NCAM1: variants seen among roughly 807,000 people sequenced by gnomAD.
NCAM1 encodes neural cell adhesion molecule 1.
A neutral mutation model predicts 109.8 loss-of-function variants in NCAM1; 14 were observed. The observed-to-expected ratio is 0.13, with a 90% CI of 0.08 to 0.20. The LOEUF (loss-of-function observed/expected upper bound fraction) is 0.20, where lower values mean the gene tolerates loss of function less well. Ranked by LOEUF, NCAM1 falls within the 10% of genes least tolerant of loss-of-function variation. The pLI is 1.00. For synonymous variants in NCAM1, 418 were observed against 442.9 expected (o/e 0.94, Z 0.70); for missense variants, 774 against 1,109.9 (o/e 0.70, Z 4.30).
intron 1 of NCAM1, among the ~76,000 whole-genome samples, chr11:113,026,371 G>T (rs1190852631): frequency 2.0e-5 from 3 of 152,110 alleles, no homozygotes; most frequent in African/African-American, 7.2e-5. Context: ...GCTTCCCCAG[G>T]ATTTTATATT....
intron 1 of NCAM1, among the ~76,000 whole-genome samples, chr11:113,037,823 C>A (rs1314077458): frequency 1.3e-5 from 2 of 152,214 alleles, no homozygotes; most frequent in Non-Finnish European, 2.9e-5. Context: ...TAGCCTCCTC[C>A]GTAGTCCTTA....
At chr11:113,235,315 C>G (rs1945133269) in intron 14 of NCAM1, 151 bp downstream of exon 14, 2 of 1,511,972 alleles carry the variant, frequency 1.3e-6, no homozygotes, top group South Asian at 1.1e-5. Flanking sequence ...TCCTAGTTCT[C>G]TGGTTCTCAG....
intron 1 of NCAM1, among the ~76,000 whole-genome samples, chr11:112,999,665 A>T (rs1951692111): frequency 6.6e-6 from 1 of 152,268 alleles, no homozygotes; most frequent in Non-Finnish European, 1.5e-5. Context: ...ATTATAAATT[A>T]CAGCTTTAGA....
At chr11:113,111,463 C>T (rs1272204228) in intron 1 of NCAM1, among the ~76,000 whole-genome samples, 2 of 152,030 alleles carry the variant, frequency 1.3e-5, no homozygotes, top group Non-Finnish European at 2.9e-5. Flanking sequence ...TGAGAATAAG[C>T]AATACTACAA....
In NCAM1 at chr11:113,207,898, A is replaced by G; in HGVS notation, c.812A>G (p.Gln271Arg). ...TACATCTTCAGCGACGATAGTTCCC[A>G]GCTGACCATCAAAAAGGTGGATAAG... ...EKYIFSDDSS[Q>R]LTIKKVDKND... The change falls in exon 7 of 20, where the codon CAG becomes CGG. Residue 271 changes from glutamine (Q) to arginine (R), a missense_variant. By Grantham distance (43) the Gln-to-Arg change is conservative (BLOSUM62 1). Coordinates refer to ENST00000316851, the MANE Select transcript of NCAM1 (RefSeq NM_181351.5). The G allele has an allele frequency of 2.5e-6, 4 of 1,612,420 alleles. No individual in the cohort carries two copies. The highest frequency in any genetic ancestry group is 3.4e-6 in the Non-Finnish European group (4 of 1,179,284).
chr11:113,048,522 G>A (rs1345800679), intron 1 of NCAM1, among the ~76,000 whole-genome samples: 1 of 152,184 alleles, frequency 6.6e-6, no homozygotes, highest in Non-Finnish European at 1.5e-5. Flanking sequence ...CATTTTGTTG[G>A]TAGCTTTACT....
At chr11:113,132,702 C>G (rs111355674) in intron 1 of NCAM1, among the ~76,000 whole-genome samples, 1 of 150,892 alleles carries the variant, frequency 6.6e-6, no homozygotes, top group South Asian at 2.1e-4. Flanking sequence ...GTTTAGGAAC[C>G]GCTGGGGAAC....
At chr11:113,267,861 A>C (rs1946168679) in intron 17 of NCAM1, among the ~76,000 whole-genome samples, 1 of 152,204 alleles carries the variant, frequency 6.6e-6, no homozygotes, top group South Asian at 2.1e-4. Context: ...GCAGCTTTGC[A>C]GGAGTTTATT....
chr11:113,185,068 T>A (rs11600937), intron 1 of NCAM1, among the ~76,000 whole-genome samples: 3,093 of 97,884 alleles, frequency 0.032, 50 homozygotes, highest in East Asian at 0.1. Flanking sequence ...GCATTTATAT[T>A]TATATATATA....
intron 1 of NCAM1, among the ~76,000 whole-genome samples, chr11:113,185,093 G>T (rs1273629587): frequency 0.025 from 2,753 of 111,962 alleles, 52 homozygotes; most frequent in Admixed American, 0.027. Flanking sequence ...GAGAGAGAGA[G>T]AGAGAGAGAG....
chr11:112,991,211 A>G (rs576466657), intron 1 of NCAM1, among the ~76,000 whole-genome samples: 4 of 152,306 alleles, frequency 2.6e-5, no homozygotes, highest in African/African-American at 7.2e-5. Flanking sequence ...AGTAAGTTCG[A>G]TTAATGAGCT....
intron 1 of NCAM1, among the ~76,000 whole-genome samples, chr11:113,183,357 T>C (rs1024461613): frequency 6.6e-6 from 1 of 152,206 alleles, no homozygotes; most frequent in Non-Finnish European, 1.5e-5. Flanking sequence ...CTCCTCCAGA[T>C]TGACCAGGCA....
intron 1 of NCAM1, among the ~76,000 whole-genome samples, chr11:112,964,766 C>T (rs1950686251): frequency 6.6e-6 from 1 of 152,100 alleles, no homozygotes; most frequent in Admixed American, 6.5e-5. Context: ...CTAACCAAAC[C>T]CTAGAAAGAT....
intron 19 of NCAM1, chr11:113,272,885 C>T (rs1555125763): frequency 2.6e-5 from 12 of 456,302 alleles, no homozygotes; most frequent in South Asian, 9.3e-5. Context: ...TTCTCTGTCA[C>T]GTCTCAGCTT....
intron 1 of NCAM1, among the ~76,000 whole-genome samples, chr11:113,087,754 G>T (rs1939153577): frequency 6.6e-6 from 1 of 152,118 alleles, no homozygotes; most frequent in Non-Finnish European, 1.5e-5. Context: ...AAATAAATTT[G>T]CATGAAAATG....
At chr11:113,144,537 A>C (rs1555101016) in intron 1 of NCAM1, among the ~76,000 whole-genome samples, 1 of 152,210 alleles carries the variant, frequency 6.6e-6, no homozygotes, top group African/African-American at 2.4e-5. Context: ...ATAACCACTA[A>C]TACATTAAAG....
chr11:113,232,699 T>C lies in NCAM1; in HGVS notation c.1426-19T>C, dbSNP rs2137246984. On this transcript the variant is annotated intron_variant, in intron 11 of 19. Transcript: ENST00000316851. ...ATCCCATAGGACACTTGTAACCCAATAGCTTCTTCCTTCTAAAGGTGACCC... is the reference window on the plus strand; with the variant it reads ...ATCCCATAGGACACTTGTAACCCAACAGCTTCTTCCTTCTAAAGGTGACCC... 12 of 1,588,840 alleles carry C rather than the reference T, an allele frequency of 7.6e-6. No homozygotes were observed. Among genetic ancestry groups the C allele is most frequent in the Non-Finnish European group, 1.0e-5 (12 of 1,156,974 alleles).
At chr11:113,025,929 C>A (rs1952532486) in intron 1 of NCAM1, among the ~76,000 whole-genome samples, 2 of 152,108 alleles carry the variant, frequency 1.3e-5, no homozygotes, top group Admixed American at 1.3e-4. Flanking sequence ...GTGCCCACCA[C>A]ACTATACATC....
At chr11:113,126,486 T>A (rs1357886024) in intron 1 of NCAM1, among the ~76,000 whole-genome samples, 1 of 152,174 alleles carries the variant, frequency 6.6e-6, no homozygotes, top group Non-Finnish European at 1.5e-5. Context: ...TGAAACAGAC[T>A]CAGATGTGTT....
Sources: gnomAD v4.1 joint callset for allele counts (sites outside exome capture counted in the v4.1 genomes callset) on GRCh38, gnomAD v4.1.1 for gene constraint, MANE v1.5 for transcripts, NCBI Gene and HGNC (gene_info 2026-07-23, HGNC 2026-07-21) for gene names.